The following UPRT variants were observed in gnomAD, a reference collection of about 807,000 sequenced individuals.
The protein encoded by UPRT is uracil phosphoribosyltransferase homolog.
A neutral mutation model predicts 22.6 loss-of-function variants in UPRT; 5 were observed. The ratio of observed to expected loss-of-function variants is 0.22; its 90% CI spans 0.12 to 0.47. UPRT has a LOEUF of 0.47. UPRT is among the 20% of genes least tolerant of loss of function. The probability of loss-of-function intolerance (pLI) is 0.99; values close to 1 mark genes in which losing one functional copy is unlikely to be tolerated. For synonymous variants in UPRT, 77 were observed against 87.7 expected (o/e 0.88, Z 0.68); for missense variants, 181 against 239.9 (o/e 0.75, Z 1.62).
intron 4 of UPRT, among the ~76,000 whole-genome samples, chrX:75,259,261 T>A (rs1051043317): frequency 1.8e-5 from 2 of 110,395 alleles, no homozygotes; most frequent in Admixed American, 1.9e-4. Context: ...CAAAACTGGA[T>A]GGAGAATGAG....
At chrX:75,247,273 C>T (rs201174164) in intron 4 of UPRT, among the ~76,000 whole-genome samples, 4 of 111,111 alleles carry the variant, frequency 3.6e-5, no homozygotes, top group Non-Finnish European at 7.6e-5. Flanking sequence ...GGCTGAAGCA[C>T]GGTGAAGCAT....
At chrX:75,180,681 G>GTTTTCTT (rs2082266139) in intron 4 of UPRT, among the ~76,000 whole-genome samples, 1 of 43,895 alleles carries the variant, frequency 2.3e-5, no homozygotes, top group Non-Finnish European at 3.8e-5. Flanking sequence ...CCTTTTCTCT[G>GTTTTCTT]TTTTTTTTTT....
intron 3 of UPRT, among the ~76,000 whole-genome samples, chrX:75,164,546 T>C (rs2082208177): frequency 8.9e-6 from 1 of 111,833 alleles, no homozygotes; most frequent in African/African-American, 3.2e-5. Flanking sequence ...ATGATTCCAT[T>C]TATATGAAAT....
intron 4 of UPRT, among the ~76,000 whole-genome samples, chrX:75,232,272 A>G (rs755034684): frequency 1.8e-5 from 2 of 112,653 alleles, no homozygotes; most frequent in South Asian, 3.6e-4. Flanking sequence ...TATCCCGCAC[A>G]TGGCTCGGAG....
chrX:75,215,343 T>C (rs1386400634), intron 4 of UPRT, among the ~76,000 whole-genome samples: 2 of 111,114 alleles, frequency 1.8e-5, no homozygotes, highest in African/African-American at 6.5e-5. Flanking sequence ...AATCCAAAGT[T>C]AGCAGAAGAA....
At chrX:75,171,649 T>C (rs1240387244) in intron 4 of UPRT, among the ~76,000 whole-genome samples, 1 of 15,974 alleles carries the variant, frequency 6.3e-5, no homozygotes, top group African/African-American at 6.9e-5. Flanking sequence ...TTAAAGAAGG[T>C]TGTTTTTTTT....
chrX:75,200,640 T>A (rs1044691809), intron 4 of UPRT, among the ~76,000 whole-genome samples: 1 of 108,471 alleles, frequency 9.2e-6, no homozygotes, highest in African/African-American at 3.3e-5. Context: ...CACATCATTC[T>A]TTTTTTTTTC....
chrX:75,165,914 T>A (rs938712599), intron 3 of UPRT, among the ~76,000 whole-genome samples: 7 of 111,394 alleles, frequency 6.3e-5, no homozygotes, highest in African/African-American at 2.3e-4. Context: ...AATAATAAAT[T>A]TGACATAAAA....
chrX:75,191,303 AC>A (rs1759277132), intron 4 of UPRT, among the ~76,000 whole-genome samples: 1 of 112,267 alleles, frequency 8.9e-6, no homozygotes, highest in African/African-American at 3.2e-5. Flanking sequence ...ATATTGCTGA[AC>A]AGCAAATGTT....
chrX:75,190,204 C>T (rs2082310164), intron 4 of UPRT, among the ~76,000 whole-genome samples: 1 of 111,682 alleles, frequency 9.0e-6, no homozygotes, highest in Non-Finnish European at 1.9e-5. Flanking sequence ...ATTTGCTTGT[C>T]TGTAAAGTAT....
chrX:75,207,312 T>A (rs1181006953), intron 4 of UPRT, among the ~76,000 whole-genome samples: 1 of 112,278 alleles, frequency 8.9e-6, no homozygotes, highest in African/African-American at 3.2e-5. Context: ...GAGAGGTAAT[T>A]CTGCCTGTTG....
chrX:75,291,638 T>TA (rs543738895), intron 1 of UPRT: 2,465 of 123,379 alleles, frequency 0.02, no homozygotes, highest in South Asian at 0.033. Flanking sequence ...ATTGTGGAAT[T>TA]AAAAAAAAAA....
chrX:75,286,873 C>A (rs1249969772), intron 1 of UPRT, among the ~76,000 whole-genome samples: 2 of 111,389 alleles, frequency 1.8e-5, no homozygotes, highest in Non-Finnish European at 3.8e-5. Flanking sequence ...CCTCACTGTT[C>A]TCATTGCTAA....
intron 4 of UPRT, among the ~76,000 whole-genome samples, chrX:75,187,017 T>G (rs916811430): frequency 8.9e-6 from 1 of 111,732 alleles, no homozygotes; most frequent in African/African-American, 3.3e-5. Context: ...ATTTAGTCCA[T>G]TTACATTTAA....
chrX:75,212,065 G>T (rs1214710663), intron 4 of UPRT, among the ~76,000 whole-genome samples: 1 of 111,705 alleles, frequency 9.0e-6, no homozygotes. Flanking sequence ...TCTCTCAGCA[G>T]AATATGATAA....
intron 4 of UPRT, among the ~76,000 whole-genome samples, chrX:75,186,312 T>C (rs2147614240): frequency 8.9e-6 from 1 of 112,068 alleles, no homozygotes; most frequent in East Asian, 2.8e-4. Flanking sequence ...GTTGTTCAGT[T>C]TCCATGTAGT....
At chrX:75,243,973 T>A (rs2082496067) in intron 4 of UPRT, among the ~76,000 whole-genome samples, 1 of 111,852 alleles carries the variant, frequency 8.9e-6, no homozygotes. Flanking sequence ...CCCTTTAATT[T>A]GCATTATGTG....
rs754458977 is a variant in UPRT at position 75,267,907 on chromosome X, G to T, written c.-446-23117G>T. ...CTAGCAGAAGACAAGAAATAACTAA[G>T]ATCAGAGCAATACTGAAGGAGATAG... On this transcript the variant is annotated intron_variant, in intron 4 of 13. Coordinates refer to the UPRT transcript ENST00000652605. Among the ~76,000 whole-genome samples, 34 of 110,916 alleles carry T rather than the reference G, an allele frequency of 3.1e-4. No individual in the cohort carries two copies. In the South Asian group the frequency reaches 7.6e-3, roughly 25 times the overall value.
chrX:75,279,297 A>C (rs1225142886), intron 1 of UPRT, among the ~76,000 whole-genome samples: 2 of 111,758 alleles, frequency 1.8e-5, no homozygotes, highest in Non-Finnish European at 3.8e-5. Context: ...CAAAATGCCC[A>C]CCGCAGAAAA....
Sources: allele counts gnomAD v4.1 joint callset (sites outside exome capture counted in the v4.1 genomes callset), GRCh38; gene constraint gnomAD v4.1.1; transcripts MANE v1.5; gene names NCBI Gene and HGNC (gene_info 2026-07-23, HGNC 2026-07-21).